FLCN: variants seen among roughly 807,000 people sequenced by gnomAD.
FLCN encodes the protein folliculin, also known as BHD skin lesion fibrofolliculoma protein.
Under a neutral mutation model 62.5 loss-of-function variants are expected in FLCN, and 22 were observed. The observed-to-expected ratio is 0.35, with a 90% CI of 0.25 to 0.50. The LOEUF (loss-of-function observed/expected upper bound fraction) is 0.50. Ranked by LOEUF, FLCN falls within the 20% of genes least tolerant of loss-of-function variation. The pLI, the probability that FLCN is intolerant of heterozygous loss-of-function variation, is 0.97. For missense variants in FLCN, 657 were observed against 778.0 expected (o/e 0.84, Z 1.85); for synonymous variants, 319 against 310.0 (o/e 1.03, Z -0.30).
intron 4 of FLCN, among the ~76,000 whole-genome samples, chr17:17,226,847 T>TGCTGCCCC (rs930392811): frequency 3.9e-5 from 6 of 152,196 alleles, no homozygotes; most frequent in South Asian, 2.1e-4. Context: ...AGCTCACCAC[T>TGCTGCCCC]GCTGCCCCGC....
intron 1 of FLCN, among the ~76,000 whole-genome samples, chr17:17,233,849 G>A (rs956625613): frequency 1.4e-5 from 2 of 147,894 alleles, no homozygotes; most frequent in African/African-American, 5.0e-5. Flanking sequence ...TCAGCCTCCT[G>A]AGTAGCTGGG....
intron 1 of FLCN, among the ~76,000 whole-genome samples, chr17:17,236,512 AG>A (rs1190231764): frequency 1.3e-5 from 2 of 152,140 alleles, no homozygotes; most frequent in Non-Finnish European, 1.5e-5. Context: ...CATTCTTTCC[AG>A]GAGACAAGGA....
Position 17,216,212 on chromosome 17 carries a change from G to A in FLCN, c.1300+168C>T, listed in dbSNP as rs529625624. 1.2e-4 allele frequency among the ~76,000 whole-genome samples: 19 copies of A among 152,290 alleles called. No individual in the cohort carries two copies. The highest frequency in any genetic ancestry group is 1.9e-4 in the East Asian group (1 of 5,182). ...TTCCCATCAGGTCCACTCACCCACC[G>A]CTACCTGTGTGAAGATAGAACACGG... On this transcript the variant is annotated intron_variant, in intron 11 of 13. Coordinates refer to ENST00000285071, the MANE Select transcript of FLCN (RefSeq NM_144997.7). This position sits in a 1 kb window ranked among gnomAD's most constrained non-coding sequence, Gnocchi z 4.0.
chr17:17,214,003 T>C, intron 13 of FLCN, 147 bp from the exon 14 acceptor site: 2 of 890,558 alleles, frequency 2.2e-6, no homozygotes, highest in East Asian at 5.1e-5. Flanking sequence ...GCAGCAGGCT[T>C]GGCCCCTGAA....
Position 17,216,615 on chromosome 17 carries a change from C to A in FLCN, c.1177-112G>T. On this transcript the variant is annotated intron_variant, in intron 10 of 13. Transcript: ENST00000285071. The surrounding 1 kb of genome is among the most constrained non-coding windows in gnomAD (Gnocchi z 4.0). ...CCTCCTGCAGCCCGGTCCAAGCCCT[C>A]CCTCCTGCCAGAGGAGTCCCCAGAC... is the stretch of plus-strand genomic sequence containing the variant. 1 of 1,524,884 alleles carries A rather than the reference C, an allele frequency of 6.6e-7. No homozygotes were observed. The highest frequency in any genetic ancestry group is 8.8e-7 in the Non-Finnish European group (1 of 1,131,312). 94.5% of individuals were successfully genotyped at this position (1,524,884 alleles called of 1,614,324 possible).
At chr17:17,216,000 C>T (rs1311804699) in intron 11 of FLCN, among the ~76,000 whole-genome samples, 2 of 152,172 alleles carry the variant, frequency 1.3e-5, no homozygotes, top group African/African-American at 2.4e-5. Flanking sequence ...GACAGGGGAA[C>T]AGTAGAAGAG....
At chr17:17,217,211 G>C (rs774016587) in intron 9 of FLCN, 29 bp from the exon 10 acceptor site, 1 of 1,438,628 alleles carries the variant, frequency 7.0e-7, no homozygotes, top group South Asian at 1.1e-5. Flanking sequence ...TGCTTTCAGC[G>C]TGACTAGTAG....
In FLCN at chr17:17,215,300, C is replaced by T. The variant is rs1331755296; in HGVS notation, c.1317G>A (p.Val439=). The T allele has an allele frequency of 1.2e-6, 2 of 1,614,046 alleles. No homozygotes were observed. The highest frequency in any genetic ancestry group is 1.7e-6 in the Non-Finnish European group (2 of 1,180,012). ...HVLSSEFAVI[V]EVHAAARSTL... Reference sequence around the variant, plus strand: ...TGGAACGTGCGGCTGCGTGGACCTCCACGATGACAGCAAACTCTGTAACAA... The same window carrying T: ...TGGAACGTGCGGCTGCGTGGACCTCTACGATGACAGCAAACTCTGTAACAA... The change falls in exon 12 of 14, where the codon GTG becomes GTA. Residue 439 remains valine (V), a synonymous_variant. Coordinates refer to ENST00000285071, the MANE Select transcript of FLCN (RefSeq NM_144997.7).
chr17:17,215,774 A>G (rs1388506197), intron 11 of FLCN, among the ~76,000 whole-genome samples: 1 of 152,134 alleles, frequency 6.6e-6, no homozygotes, highest in Non-Finnish European at 1.5e-5. Flanking sequence ...CTGGGTGCTG[A>G]TTGGGGGCTC....
chr17:17,216,431 A>T lies in FLCN; in HGVS notation c.1249T>A (p.Phe417Ile), dbSNP rs1386426732. The T allele has an allele frequency of 6.2e-7, 1 of 1,613,878 alleles. No homozygotes were observed. Among genetic ancestry groups the T allele is most frequent in the Non-Finnish European group, 8.5e-7 (1 of 1,179,860 alleles). ...SQYEEAYRCN[F>I]LGLSPHVQIP... ...TGCACGTGCGGGCTGAGCCCCAGGA[A>T]GTTGCACCGATAGGCCTCCTCGTAC... The change falls in exon 11 of 14, where the codon TTC becomes ATC. Residue 417 changes from phenylalanine (F) to isoleucine (I), a missense_variant. Transcript: ENST00000285071. This position sits in a 1 kb window ranked among gnomAD's most constrained non-coding sequence, Gnocchi z 4.0.
At chr17:17,226,990 C>T (rs1457744643) in intron 4 of FLCN, among the ~76,000 whole-genome samples, 2 of 152,236 alleles carry the variant, frequency 1.3e-5, no homozygotes, top group African/African-American at 4.8e-5. Context: ...TGGGCAACCC[C>T]AAAACCAGCT....
chr17:17,228,250 G>C, intron 3 of FLCN, 89 bp from the exon 4 acceptor site: 2 of 1,472,984 alleles, frequency 1.4e-6, no homozygotes, highest in Non-Finnish European at 1.8e-6. Flanking sequence ...GGAGCACCTG[G>C]GTGCCATGGA....
chr17:17,231,240 A>G (rs2047413019), intron 3 of FLCN, among the ~76,000 whole-genome samples: 1 of 152,210 alleles, frequency 6.6e-6, no homozygotes, highest in East Asian at 1.9e-4. Flanking sequence ...TAGCTAGGAC[A>G]AAAGCTCAGC....
chr17:17,229,754 G>A (rs879638395), intron 3 of FLCN, among the ~76,000 whole-genome samples: 13 of 152,204 alleles, frequency 8.5e-5, no homozygotes, highest in South Asian at 2.1e-4. Flanking sequence ...CACAGTTTCC[G>A]GTGGAGAAAA....
At position 17,230,229 on chromosome 17, in the gene FLCN, G is replaced by A. The variant is rs570510157; in HGVS notation, c.-25+1565C>T. ...TTAAATTTAAAATTTAAATTAGCTA[G>A]GAGAGGCCGGCACAGTGGCTCATGC... On this transcript the variant is annotated intron_variant, in intron 3 of 13. Transcript: ENST00000285071. 6.6e-5 allele frequency among the ~76,000 whole-genome samples: 10 copies of A among 152,286 alleles called. No homozygotes were observed. In the East Asian group the frequency reaches 1.7e-3, roughly 26 times the overall value.
In FLCN at chr17:17,221,598, G is replaced by C. The variant is rs372342796; in HGVS notation, c.810C>G (p.Thr270=). ...TCGGAGCACCTTCCAGGAGCTTCTCGGTCAGCCGGCTGCCACACGCCTTCA... is the reference window on the plus strand; with the variant it reads ...TCGGAGCACCTTCCAGGAGCTTCTCCGTCAGCCGGCTGCCACACGCCTTCA... ...WLLKACGSRL[T]EKLLEGAPTE... is the part of the protein sequence containing the mutation. Residue 270 remains threonine (T), a synonymous_variant, in exon 8 of 14, where the codon ACC becomes ACG. Transcript: ENST00000285071. 3.7e-6 allele frequency: 6 copies of C among 1,610,028 alleles called. No individual in the cohort carries two copies. The South Asian group carries it at 6.6e-5, about 18-fold the overall frequency.
Position 17,216,567 on chromosome 17 carries a change from C to T in FLCN, c.1177-64G>A. On this transcript the variant is annotated intron_variant, in intron 10 of 13. Transcript: ENST00000285071. The surrounding 1 kb of genome is among the most constrained non-coding windows in gnomAD (Gnocchi z 4.0). Reference sequence around the variant, plus strand: ...AAGCCCTCAGCCCCGGCCATCCATGCTCTACTACCCAAACCCCACACGCCT... The same window carrying T: ...AAGCCCTCAGCCCCGGCCATCCATGTTCTACTACCCAAACCCCACACGCCT... The T allele has an allele frequency of 6.2e-7, 1 of 1,605,412 alleles. No homozygotes were observed. The highest frequency in any genetic ancestry group is 8.5e-7 in the Non-Finnish European group (1 of 1,177,730).
intron 3 of FLCN, chr17:17,228,542 C>G: frequency 3.0e-5 from 8 of 269,502 alleles, no homozygotes; most frequent in South Asian, 9.1e-5. Context: ...GAGGGTCCTC[C>G]ACCCAATACA....
chr17:17,220,956 G>T, intron 8 of FLCN: 1 of 363,560 alleles, frequency 2.8e-6, no homozygotes, highest in Non-Finnish European at 5.2e-6. Context: ...GACATGTGGT[G>T]TGGAACAATG....
Sources: gnomAD v4.1 joint callset for allele counts (sites outside exome capture counted in the v4.1 genomes callset) on GRCh38, gnomAD v4.1.1 for gene constraint, Gnocchi (gnomAD v3.1) non-coding constraint, MANE v1.5 for transcripts, NCBI Gene and HGNC (gene_info 2026-07-23, HGNC 2026-07-21) for gene names.